Variants in CALCR observed in about 807,000 individuals in gnomAD.
CALCR encodes calcitonin receptor.
Under a neutral mutation model 59.5 loss-of-function variants are expected in CALCR, and 47 were observed. That is an observed-to-expected ratio of 0.79 (90% CI 0.63 to 1.01). The LOEUF (loss-of-function observed/expected upper bound fraction) is 1.01, where lower values mean the gene tolerates loss of function less well. Ranked by LOEUF, CALCR falls within the 50% of genes least tolerant of loss-of-function variation. The pLI is 0.00. For synonymous variants in CALCR, 213 were observed against 211.3 expected (o/e 1.01, Z -0.07); for missense variants, 566 against 597.1 (o/e 0.95, Z 0.54).
intron 2 of CALCR, among the ~76,000 whole-genome samples, chr7:93,503,779 T>A (rs1027559697): frequency 6.6e-6 from 1 of 152,276 alleles, no homozygotes; most frequent in African/African-American, 2.4e-5. Context: ...TGTCTTCAGA[T>A]AACTGGAAAT....
At chr7:93,445,605 T>C (rs1799992786) in intron 8 of CALCR, among the ~76,000 whole-genome samples, 1 of 152,096 alleles carries the variant, frequency 6.6e-6, no homozygotes, top group African/African-American at 2.4e-5. Flanking sequence ...AAACACATGG[T>C]TAGGTTCCTG....
intron 2 of CALCR, among the ~76,000 whole-genome samples, chr7:93,543,910 G>C (rs1789211957): frequency 6.6e-6 from 1 of 151,694 alleles, no homozygotes; most frequent in African/African-American, 2.4e-5. Context: ...TTAGTACTTA[G>C]GGTATATTTG....
rs554210532 is a variant in CALCR at position 93,443,618 on chromosome 7, T to C, written c.788A>G (p.Tyr263Cys). The change falls in exon 9 of 14, where the codon TAT (tyrosine) becomes TGT (cysteine). Residue 263 changes from tyrosine (Y) to cysteine (C), a missense_variant. Physicochemically the swap from Tyr to Cys is radical, Grantham distance 194 (BLOSUM62 -2). Coordinates refer to ENST00000426151, the MANE Select transcript of CALCR (RefSeq NM_001742.4). ...AAAATACATACCCCAGCCCAAGAGA[T>C]AATACCACCGCAAGCGTTGCTTCTC... ...FTEKQRLRWY[Y>C]LLGWGFPLVP... 14 of 1,613,198 alleles carry C rather than the reference T, an allele frequency of 8.7e-6. No individual in the cohort carries two copies. In the East Asian group the frequency reaches 3.1e-4, roughly 36 times the overall value.
At position 93,438,274 on chromosome 7, in the gene CALCR, C is replaced by T. The variant is rs1182350853; in HGVS notation, c.803-4G>A. ...GTGGTTGGCACCAGCGGGAACCCTA[C>T]AAATGTGAAAAGTACAAATCACACT... On this transcript the variant is annotated splice_region_variant and splice_polypyrimidine_tract_variant and intron_variant, in intron 9 of 13. Coordinates refer to ENST00000426151, the MANE Select transcript of CALCR (RefSeq NM_001742.4). 2 of 1,610,202 alleles carry T rather than the reference C, an allele frequency of 1.2e-6. No homozygotes were observed. Among genetic ancestry groups the T allele is most frequent in the Admixed American group, 3.3e-5 (2 of 60,004 alleles).
intron 12 of CALCR, 38 bp downstream of exon 12, chr7:93,435,914 G>T: frequency 8.9e-7 from 1 of 1,122,734 alleles, no homozygotes; most frequent in Non-Finnish European, 1.4e-6. Context: ...AGCTGAATAA[G>T]CACAGTAGTT....
intron 2 of CALCR, among the ~76,000 whole-genome samples, chr7:93,525,281 T>TC (rs1168924473): frequency 2.6e-4 from 40 of 152,314 alleles, no homozygotes; most frequent in Non-Finnish European, 4.0e-4. Context: ...TAATACTAGC[T>TC]CCCTGCTATA....
chr7:93,466,298 G>T (rs1346691814), intron 7 of CALCR, among the ~76,000 whole-genome samples: 1 of 151,524 alleles, frequency 6.6e-6, no homozygotes, highest in Non-Finnish European at 1.5e-5. Flanking sequence ...AAAAAATTCT[G>T]GAAAAAATTT....
chr7:93,461,301 A>G (rs1241000924), intron 7 of CALCR, among the ~76,000 whole-genome samples: 1 of 152,144 alleles, frequency 6.6e-6, no homozygotes, highest in African/African-American at 2.4e-5. Context: ...TTCAAATGAA[A>G]AGCCTACTGT....
rs556893573 is a variant in CALCR, at chr7:93,479,226, A to G, written c.205+128T>C. On this transcript the variant is annotated intron_variant, in intron 4 of 13. Coordinates refer to ENST00000426151, the MANE Select transcript of CALCR (RefSeq NM_001742.4). ...ACTGCATGAAATACACAAACATACC[A>G]TAGTGTGAAAACTGCTGTGAAAACT... is the stretch of plus-strand genomic sequence containing the variant. 7 of 919,578 alleles carry G rather than the reference A, an allele frequency of 7.6e-6. No homozygotes were observed. In the East Asian group the frequency reaches 9.9e-5, roughly 13 times the overall value. 57.0% of individuals were successfully genotyped at this position (919,578 alleles called of 1,614,324 possible).
chr7:93,558,650 A>G (rs1266487292), intron 2 of CALCR, among the ~76,000 whole-genome samples: 3 of 152,062 alleles, frequency 2.0e-5, no homozygotes, highest in African/African-American at 7.2e-5. Flanking sequence ...TCTTATTTAC[A>G]CAGTTCTTTC....
At chr7:93,531,064 G>C (rs1034853114) in intron 2 of CALCR, among the ~76,000 whole-genome samples, 3 of 151,822 alleles carry the variant, frequency 2.0e-5, no homozygotes, top group African/African-American at 7.3e-5. Flanking sequence ...CTGGGGAAAA[G>C]GCTCTCCACA....
chr7:93,511,251 G>A (rs1407124183), intron 2 of CALCR, among the ~76,000 whole-genome samples: 1 of 152,092 alleles, frequency 6.6e-6, no homozygotes, highest in East Asian at 1.9e-4. Context: ...GGAATGAATG[G>A]TGGATGAGAT....
chr7:93,531,203 A>T (rs994868269), intron 2 of CALCR, among the ~76,000 whole-genome samples: 2 of 152,114 alleles, frequency 1.3e-5, no homozygotes, highest in Admixed American at 1.3e-4. Flanking sequence ...AATTCATTAG[A>T]ATTAATGTAA....
chr7:93,496,742 G>C (rs986066984), intron 2 of CALCR, among the ~76,000 whole-genome samples: 2 of 151,582 alleles, frequency 1.3e-5, no homozygotes, highest in African/African-American at 2.4e-5. Flanking sequence ...ACAGCTATGA[G>C]CTGTTGTCAC....
rs572070817 is a variant in CALCR at position 93,425,142 on chromosome 7, G to A, written c.*1214C>T. ...CAGGATTTTCAAAAATCTTATACTG[G>A]GAAGTAAAGAGAGATATGATAATAT... On this transcript the variant is annotated 3_prime_UTR_variant, in exon 14 of 14. Coordinates refer to ENST00000426151, the MANE Select transcript of CALCR (RefSeq NM_001742.4). 156 of 152,618 alleles carry A rather than the reference G, an allele frequency of 1.0e-3. 1 individual carries two copies. The highest frequency in any genetic ancestry group is 1.0e-2 in the South Asian group (48 of 4,812). 9.5% of individuals were successfully genotyped at this position (152,618 alleles called of 1,614,324 possible). A position where few individuals can be genotyped will look rare whatever the true frequency, so the allele number is the denominator to read the frequency against.
chr7:93,477,984 A>ATAAAAAAAT (rs1800705268), intron 4 of CALCR, among the ~76,000 whole-genome samples: 1 of 149,474 alleles, frequency 6.7e-6, no homozygotes, highest in African/African-American at 2.5e-5. Context: ...AAAAAAAAAA[A>ATAAAAAAAT]AAAAAAAAAA....
At chr7:93,570,449 G>A (rs1484195722) in intron 2 of CALCR, among the ~76,000 whole-genome samples, 4 of 152,116 alleles carry the variant, frequency 2.6e-5, no homozygotes, top group African/African-American at 9.7e-5. Flanking sequence ...TGATAAGAGA[G>A]AGGAAAGACA....
chr7:93,557,406 G>A (rs1237713490), intron 2 of CALCR, among the ~76,000 whole-genome samples: 1 of 151,804 alleles, frequency 6.6e-6, no homozygotes, highest in African/African-American at 2.4e-5. Flanking sequence ...TAGTTTTTAA[G>A]TCTTAAAAAT....
intron 2 of CALCR, among the ~76,000 whole-genome samples, chr7:93,490,687 T>A (rs1584579454): frequency 6.6e-6 from 1 of 151,818 alleles, no homozygotes; most frequent in East Asian, 1.9e-4. Context: ...TACCCAGGAA[T>A]ACAGCTAAAG....
Sources: gnomAD v4.1 joint callset for allele counts (sites outside exome capture counted in the v4.1 genomes callset) on GRCh38, gnomAD v4.1.1 for gene constraint, MANE v1.5 for transcripts, NCBI Gene and HGNC (gene_info 2026-07-23, HGNC 2026-07-21) for gene names.